The following NEU4 variants were observed in gnomAD, a reference collection of about 807,000 sequenced individuals.
The protein encoded by NEU4 is sialidase-4.
NEU4 carries 7 observed loss-of-function variants against 9.9 expected under a neutral mutation model. The ratio of observed to expected loss-of-function variants is 0.71; its 90% CI spans 0.40 to 1.33. The LOEUF (loss-of-function observed/expected upper bound fraction) is 1.33. Ranked by LOEUF, NEU4 falls within the 40% of genes most tolerant of loss-of-function variation. NEU4 has a pLI of 0.01. For missense variants in NEU4, 717 were observed against 712.6 expected (o/e 1.01, Z -0.07); for synonymous variants, 348 against 316.9 (o/e 1.10, Z -1.04).
intron 1 of NEU4, chr2:241,811,335 T>C: frequency 7.1e-7 from 1 of 1,407,188 alleles, no homozygotes; most frequent in Non-Finnish European, 9.4e-7. Flanking sequence ...GTGTCCAGGG[T>C]CCTGACGTAG....
chr2:241,810,080 G>A (rs142256611), intron 1 of NEU4, among the ~76,000 whole-genome samples: 248 of 152,310 alleles, frequency 1.6e-3, no homozygotes, highest in African/African-American at 5.6e-3. Context: ...TGAGGGGTGG[G>A]GAGGTTGTCC....
chr2:241,816,424 G>A lies in NEU4; in HGVS notation c.831G>A (p.Gln277=). 3.7e-6 allele frequency: 6 copies of A among 1,606,856 alleles called. No individual in the cohort carries two copies. Among genetic ancestry groups the A allele is most frequent in the Non-Finnish European group, 5.1e-6 (6 of 1,178,460 alleles). ...TGCCCGAGACTGCCTGGGGCTGCCA[G>A]GGCAGCATCGTGGGCTTCCCAGCCC... ...ASLPETAWGC[Q]GSIVGFPAPA... is the part of the protein sequence containing the mutation. Residue 277 remains glutamine (Q), a synonymous_variant, in exon 4 of 4, where the codon CAG becomes CAA. Coordinates refer to ENST00000407683, the MANE Select transcript of NEU4 (RefSeq NM_001167600.3).
chr2:241,814,177 C>A, intron 1 of NEU4: 1 of 641,256 alleles, frequency 1.6e-6, no homozygotes, highest in South Asian at 1.5e-5. Flanking sequence ...CCAGCCTCCC[C>A]TGCACCCTGG....
Position 241,816,378 on chromosome 2 carries a change from C to T in NEU4, c.785C>T (p.Pro262Leu), listed in dbSNP as rs370727415. ...LSTDEGTSFL[P>L]AERVASLPET... ...ACTGACGAGGGCACCTCCTTCCTGC[C>T]CGCAGAGCGCGTGGCTTCCCTGCCC... Residue 262 changes from proline (P) to leucine (L), a missense_variant, in exon 4 of 4, where the codon CCC (proline) becomes CTC (leucine). By Grantham distance (98) the Pro-to-Leu change is moderately conservative. Transcript: ENST00000407683. 9.4e-6 allele frequency: 15 copies of T among 1,594,974 alleles called. No individual in the cohort carries two copies. In the African/African-American group the frequency reaches 1.9e-4, roughly 20 times the overall value.
chr2:241,810,373 C>G (rs1219551521), intron 1 of NEU4: 3 of 152,212 alleles, frequency 2.0e-5, no homozygotes, highest in Admixed American at 1.3e-4. Context: ...TCGCCGCCCC[C>G]CTCCCAGCTG....
intron 1 of NEU4, among the ~76,000 whole-genome samples, chr2:241,809,542 G>C (rs1238696096): frequency 6.6e-6 from 1 of 152,328 alleles, no homozygotes; most frequent in African/African-American, 2.4e-5. Flanking sequence ...GTTAAGGAAA[G>C]CTTCCCCCGG....
Position 241,817,100 on chromosome 2 carries a change from G to T in NEU4, c.*52G>T. 6.8e-7 allele frequency: 1 copy of T among 1,479,238 alleles called. No homozygotes were observed. Among genetic ancestry groups the T allele is most frequent in the Non-Finnish European group, 8.9e-7 (1 of 1,118,276 alleles). 91.6% of individuals were successfully genotyped at this position (1,479,238 alleles called of 1,614,324 possible). The stretch of plus-strand genomic sequence containing the variant: ...CTTGGGTGCCTGGGGCAGAGGGGTG[G>T]AATACGTTGGGGTGCCCCACGATAG... On this transcript the variant is annotated 3_prime_UTR_variant, in exon 4 of 4. Coordinates refer to ENST00000407683, the MANE Select transcript of NEU4 (RefSeq NM_001167600.3).
In NEU4 at chr2:241,816,884, G is replaced by A. The variant is rs145897893; in HGVS notation, c.1291G>A (p.Gly431Arg). The A allele has an allele frequency of 7.6e-4, 1,219 of 1,612,766 alleles. 1 individual carries two copies. The highest frequency in any genetic ancestry group is 9.8e-4 in the Non-Finnish European group (1,156 of 1,179,890). The change falls in exon 4 of 4, where the codon GGG (glycine) becomes AGG (arginine). Residue 431 changes from glycine to arginine, a missense_variant. By Grantham distance (125) the Gly-to-Arg change is moderately radical. Transcript: ENST00000407683. ...GGCGTCCATCGGGCCGGCCCCTGAG[G>A]GGGGCCTGGTTTTTGCCTGCCTGTA... is the stretch of plus-strand genomic sequence containing the variant. Reference protein sequence around the residue: ...DLASIGPAPEGGLVFACLYES... With the variant: ...DLASIGPAPERGLVFACLYES...
At chr2:241,815,763 T>C (rs1700304780) in intron 3 of NEU4, 2 of 580,946 alleles carry the variant, frequency 3.4e-6, no homozygotes, top group Admixed American at 6.0e-5. Flanking sequence ...GGGACCCCAC[T>C]GCAGGGCCTC....
At chr2:241,811,093 G>T in intron 1 of NEU4, 1 of 1,181,080 alleles carries the variant, frequency 8.5e-7, no homozygotes, top group Non-Finnish European at 1.0e-6. Context: ...CCGCGTCTCT[G>T]GAGCAGCAGA....
chr2:241,816,524 C>A lies in NEU4; in HGVS notation c.931C>A (p.Pro311Thr), dbSNP rs768453193. ...TCCCCTCCAGCCTCCACTCCTCGGT[C>A]CTGGAGTCCACGAACCCCCAGAGGA... ...GSPLQPPLLG[P>T]GVHEPPEEAA... Residue 311 changes from proline (P) to threonine (T), a missense_variant, in exon 4 of 4, where the codon CCT (proline) becomes ACT (threonine). Physicochemically the swap from Pro to Thr is conservative, Grantham distance 38 (BLOSUM62 -1). Coordinates refer to ENST00000407683, the MANE Select transcript of NEU4 (RefSeq NM_001167600.3). The A allele has an allele frequency of 6.2e-7, 1 of 1,611,808 alleles. No homozygotes were observed. Among genetic ancestry groups the A allele is most frequent in the South Asian group, 1.1e-5 (1 of 90,946 alleles).
At chr2:241,811,345 G>A in intron 1 of NEU4, 1 of 1,440,588 alleles carries the variant, frequency 6.9e-7, no homozygotes, top group Non-Finnish European at 9.2e-7. Flanking sequence ...TCCTGACGTA[G>A]CCCTGAGACG....
intron 1 of NEU4, among the ~76,000 whole-genome samples, chr2:241,812,399 A>T (rs1283243492): frequency 1.6e-5 from 2 of 127,256 alleles, no homozygotes; most frequent in East Asian, 2.4e-4. Flanking sequence ...AATGTCCAGG[A>T]CATGGCTGTC....
intron 1 of NEU4, chr2:241,814,102 G>T: frequency 1.8e-6 from 1 of 547,762 alleles, no homozygotes; most frequent in Non-Finnish European, 3.6e-6. Flanking sequence ...ACCTCCTGCT[G>T]GGCGAATTCT....
chr2:241,815,897 G>A (rs1361385819), intron 3 of NEU4, 154 bp from the exon 4 acceptor site: 2 of 754,650 alleles, frequency 2.7e-6, no homozygotes, highest in African/African-American at 1.8e-5. Context: ...GAGGACTCAG[G>A]GCGGCTGGGA....
intron 1 of NEU4, 69 bp downstream of exon 1, chr2:241,809,343 A>T (rs113814235): frequency 2.2e-6 from 2 of 911,158 alleles, no homozygotes. Context: ...TTTGCAGTAG[A>T]GAGTGTTGAG....
Position 241,814,926 on chromosome 2 carries a change from T to G in NEU4, c.236T>G (p.Leu79Arg), listed in dbSNP as rs756864840. The G allele has an allele frequency of 6.2e-7, 1 of 1,612,074 alleles. No homozygotes were observed. The highest frequency in any genetic ancestry group is 8.5e-7 in the Non-Finnish European group (1 of 1,179,682). Reference protein sequence around the residue: ...GALHVLGTAALAEHRSMNPCP... With the variant: ...GALHVLGTAARAEHRSMNPCP... ...CTGCACGTGCTGGGGACAGCAGCCC[T>G]GGCGGAGCACCGGTCCATGAACCCC... Residue 79 changes from leucine to arginine, a missense_variant, in exon 3 of 4, where the codon CTG (leucine) becomes CGG (arginine). Coordinates refer to ENST00000407683, the MANE Select transcript of NEU4 (RefSeq NM_001167600.3).
At chr2:241,811,784 G>A (rs915080742) in intron 1 of NEU4, 6 of 331,610 alleles carry the variant, frequency 1.8e-5, no homozygotes, top group Non-Finnish European at 3.3e-5. Flanking sequence ...TGGTTGTGAG[G>A]GGCCCAATGC....
intron 1 of NEU4, chr2:241,811,909 A>G (rs1341283398): frequency 1.8e-5 from 3 of 169,230 alleles, no homozygotes; most frequent in East Asian, 3.2e-4. Flanking sequence ...CAGGACGCTC[A>G]CGGTGCAGGC....
Sources: gnomAD v4.1 joint callset for allele counts (sites outside exome capture counted in the v4.1 genomes callset) on GRCh38, gnomAD v4.1.1 for gene constraint, MANE v1.5 for transcripts, NCBI Gene and HGNC (gene_info 2026-07-23, HGNC 2026-07-21) for gene names.